The following MEI4 variants were observed in gnomAD, a reference collection of about 807,000 sequenced individuals.
MEI4 encodes meiosis-specific protein MEI4.
MEI4 carries 27 observed loss-of-function variants against 31.4 expected under a neutral mutation model. The observed-to-expected ratio is 0.86, with a 90% CI of 0.63 to 1.19. The LOEUF (loss-of-function observed/expected upper bound fraction) is 1.19. MEI4 is among the 50% of genes most tolerant of loss of function. The pLI is 0.00. For synonymous variants in MEI4, 122 were observed against 145.4 expected (o/e 0.84, Z 1.16); for missense variants, 329 against 398.9 (o/e 0.82, Z 1.49).
At chr6:77,761,864 A>G (rs1211039853) in intron 3 of MEI4, among the ~76,000 whole-genome samples, 199 bp downstream of exon 3, 1 of 152,202 alleles carries the variant, frequency 6.6e-6, no homozygotes, top group Non-Finnish European at 1.5e-5. Context: ...AGTTTTCTGC[A>G]TAGATGCCTT....
chr6:77,785,405 A>G (rs916033670), intron 3 of MEI4, among the ~76,000 whole-genome samples: 1 of 152,090 alleles, frequency 6.6e-6, no homozygotes, highest in African/African-American at 2.4e-5. Context: ...GAAATACCAT[A>G]TTTTCCGTAT....
chr6:77,838,730 C>T (rs1317351724), intron 4 of MEI4, among the ~76,000 whole-genome samples: 1 of 151,862 alleles, frequency 6.6e-6, no homozygotes, highest in Non-Finnish European at 1.5e-5. Context: ...AGTGAAACCC[C>T]GTCTCTACTA....
chr6:77,762,265 CCTTA>C (rs1329678328), intron 3 of MEI4, among the ~76,000 whole-genome samples: 16 of 152,042 alleles, frequency 1.1e-4, no homozygotes, highest in African/African-American at 2.4e-4. Flanking sequence ...TGTTTTATTT[CCTTA>C]CTTATTTATT....
intron 2 of MEI4, among the ~76,000 whole-genome samples, chr6:77,758,767 A>C (rs1425835065): frequency 1.3e-5 from 2 of 151,684 alleles, no homozygotes; most frequent in African/African-American, 4.8e-5. Context: ...CATATTTCCA[A>C]CCTCTGCTTA....
intron 4 of MEI4, among the ~76,000 whole-genome samples, chr6:77,885,698 T>A (rs942991147): frequency 1.3e-5 from 2 of 152,180 alleles, no homozygotes; most frequent in Non-Finnish European, 2.9e-5. Flanking sequence ...GAACTTCCAG[T>A]ACTATGTTGA....
chr6:77,864,469 CAA>C (rs1428519934), intron 4 of MEI4, among the ~76,000 whole-genome samples: 1 of 151,950 alleles, frequency 6.6e-6, no homozygotes. Context: ...CAACAAAGAT[CAA>C]AAGAGACAAA....
intron 3 of MEI4, among the ~76,000 whole-genome samples, chr6:77,828,306 G>A (rs993681007): frequency 2.0e-5 from 3 of 150,626 alleles, no homozygotes; most frequent in Admixed American, 1.3e-4. Flanking sequence ...CCACACAGCA[G>A]GAAGTGAGCA....
intron 4 of MEI4, among the ~76,000 whole-genome samples, chr6:77,882,475 T>G (rs2127729000): frequency 6.6e-6 from 1 of 152,284 alleles, no homozygotes; most frequent in South Asian, 2.1e-4. Flanking sequence ...GCCCAGAAAG[T>G]TTAATGTTGG....
intron 4 of MEI4, among the ~76,000 whole-genome samples, chr6:77,830,133 G>C (rs1435015979): frequency 1.3e-5 from 2 of 152,042 alleles, no homozygotes; most frequent in African/African-American, 4.8e-5. Flanking sequence ...ATGGTAGATT[G>C]CAAGTCCCTG....
chr6:77,738,120 G>A (rs1236355007), intron 2 of MEI4, among the ~76,000 whole-genome samples: 3 of 152,206 alleles, frequency 2.0e-5, no homozygotes, highest in Non-Finnish European at 4.4e-5. Context: ...GAAGGTTTGT[G>A]TTGGAGAGTT....
At chr6:77,886,177 A>G (rs2127730403) in intron 4 of MEI4, among the ~76,000 whole-genome samples, 1 of 152,234 alleles carries the variant, frequency 6.6e-6, no homozygotes, top group East Asian at 1.9e-4. Flanking sequence ...GGCATAATAC[A>G]ATGAGTTAGG....
At chr6:77,813,015 G>C (rs1475636793) in intron 3 of MEI4, among the ~76,000 whole-genome samples, 2 of 152,020 alleles carry the variant, frequency 1.3e-5, no homozygotes, top group Non-Finnish European at 2.9e-5. Flanking sequence ...TTTTTGGATT[G>C]ATGGGCATAG....
chr6:77,688,594 A>C (rs1013303379), intron 1 of MEI4, among the ~76,000 whole-genome samples: 7 of 152,126 alleles, frequency 4.6e-5, no homozygotes, highest in Non-Finnish European at 1.0e-4. Context: ...TCTCTGCAGG[A>C]TGACAGGGAA....
At chr6:77,799,114 G>A (rs1425052019) in intron 3 of MEI4, among the ~76,000 whole-genome samples, 1 of 152,160 alleles carries the variant, frequency 6.6e-6, no homozygotes, top group Non-Finnish European at 1.5e-5. Flanking sequence ...CACCAGCAGT[G>A]TCAAAGTGTT....
At chr6:77,918,766 C>G (rs1220060438) in intron 4 of MEI4, among the ~76,000 whole-genome samples, 3 of 151,864 alleles carry the variant, frequency 2.0e-5, no homozygotes, top group Non-Finnish European at 4.4e-5. Context: ...TTATTTCCTT[C>G]TCCTGCCTAA....
At chr6:77,852,281 T>A (rs899138890) in intron 4 of MEI4, among the ~76,000 whole-genome samples, 1 of 152,208 alleles carries the variant, frequency 6.6e-6, no homozygotes, top group Non-Finnish European at 1.5e-5. Flanking sequence ...ATAAAATAAC[T>A]TTCTTCAAGT....
chr6:77,910,456 T>A (rs920887904), intron 4 of MEI4, among the ~76,000 whole-genome samples: 1 of 152,138 alleles, frequency 6.6e-6, no homozygotes, highest in Non-Finnish European at 1.5e-5. Flanking sequence ...CATTCACAAT[T>A]GCTTCAAAGA....
At chr6:77,808,315 C>A (rs1352933477) in intron 3 of MEI4, among the ~76,000 whole-genome samples, 1 of 152,098 alleles carries the variant, frequency 6.6e-6, no homozygotes, top group Non-Finnish European at 1.5e-5. Flanking sequence ...GATCAGTGGT[C>A]AGTATTGGCA....
At chr6:77,899,965 G>T (rs1347509779) in intron 4 of MEI4, among the ~76,000 whole-genome samples, 1 of 151,162 alleles carries the variant, frequency 6.6e-6, no homozygotes, top group Non-Finnish European at 1.5e-5. Flanking sequence ...CATGAAATTG[G>T]GCTGATCAAG....
Sources: allele counts gnomAD v4.1 joint callset (sites outside exome capture counted in the v4.1 genomes callset), GRCh38; gene constraint gnomAD v4.1.1; transcripts MANE v1.5; gene names NCBI Gene and HGNC (gene_info 2026-07-23, HGNC 2026-07-21).